Variants in STXBP5L observed in about 807,000 individuals in gnomAD.
The protein encoded by STXBP5L is syntaxin-binding protein 5-like.
In STXBP5L, 65 loss-of-function variants were observed where a neutral mutation model predicts 144.5. The observed-to-expected ratio is 0.45, with a 90% CI of 0.37 to 0.55. STXBP5L has a LOEUF of 0.55. Among genes scored for constraint, STXBP5L ranks in the 20% least tolerant of loss-of-function variants. The pLI is 0.00. For missense variants in STXBP5L, 1,298 were observed against 1,405.5 expected (o/e 0.92, Z 1.22); for synonymous variants, 505 against 469.6 (o/e 1.08, Z -0.97).
intron 5 of STXBP5L, among the ~76,000 whole-genome samples, chr3:121,086,919 T>C (rs879692900): frequency 6.6e-6 from 1 of 152,072 alleles, no homozygotes; most frequent in Non-Finnish European, 1.5e-5. Flanking sequence ...TTCTCAGAAC[T>C]TATGCCCATT....
At chr3:120,933,931 T>C (rs1162182615) in intron 2 of STXBP5L, among the ~76,000 whole-genome samples, 1 of 152,098 alleles carries the variant, frequency 6.6e-6, no homozygotes, top group Non-Finnish European at 1.5e-5. Context: ...AAAGGAATGA[T>C]TGTAGTTTGC....
At chr3:121,337,306 C>G (rs953029955) in intron 20 of STXBP5L, among the ~76,000 whole-genome samples, 1 of 151,910 alleles carries the variant, frequency 6.6e-6, no homozygotes, top group Non-Finnish European at 1.5e-5. Context: ...CTTCAAGAGA[C>G]TCATCTAATG....
chr3:121,295,943 C>A (rs750583856), intron 19 of STXBP5L, among the ~76,000 whole-genome samples: 1 of 152,082 alleles, frequency 6.6e-6, no homozygotes, highest in Non-Finnish European at 1.5e-5. Flanking sequence ...TTGATGTTTA[C>A]AAGTTATTAC....
chr3:121,206,105 G>C (rs2048326697), intron 10 of STXBP5L, 104 bp downstream of exon 10: 1 of 585,422 alleles, frequency 1.7e-6, no homozygotes, highest in Non-Finnish European at 2.9e-6. Flanking sequence ...AAATTGTAAA[G>C]ACAACTGAAT....
intron 9 of STXBP5L, 126 bp from the exon 10 acceptor site, chr3:121,205,797 C>A: frequency 2.2e-6 from 1 of 460,112 alleles, no homozygotes; most frequent in Non-Finnish European, 3.8e-6. Context: ...TAAGTTTATC[C>A]TATTATGACA....
intron 5 of STXBP5L, chr3:121,049,708 A>G (rs970498674): frequency 6.5e-6 from 1 of 154,130 alleles, no homozygotes; most frequent in African/African-American, 2.4e-5. Context: ...GATAAGGTCT[A>G]CTGGGCCTAG....
In STXBP5L at chr3:121,233,657, G is replaced by T; in HGVS notation, c.1153G>T (p.Asp385Tyr). Residue 385 changes from aspartate to tyrosine, a missense_variant, in exon 12 of 27, where the codon GAT (aspartate) becomes TAT (tyrosine). Transcript: ENST00000471454. ...PYAVVVLLEK[D>Y]LIVVDLTQSN... is the part of the protein sequence containing the mutation. ...TGCTGTCGTGGTACTTCTGGAGAAA[G>T]ATCTCATTGTAGTTGATCTGACACA... The T allele has an allele frequency of 1.2e-6, 2 of 1,612,622 alleles. No homozygotes were observed. The highest frequency in any genetic ancestry group is 1.7e-6 in the Non-Finnish European group (2 of 1,179,262).
At position 121,163,324 on chromosome 3, in the gene STXBP5L, G is replaced by A. The variant is rs188997879; in HGVS notation, c.877+5697G>A. Among the ~76,000 whole-genome samples, 420 of 152,138 alleles carry A rather than the reference G, an allele frequency of 2.8e-3. 2 individuals carry two copies. Among genetic ancestry groups the A allele is most frequent in the African/African-American group, 8.9e-3 (368 of 41,510 alleles). On this transcript the variant is annotated intron_variant, in intron 9 of 26. Transcript: ENST00000471454. ...TTCTCAGCAAACTAACACAGGAACG[G>A]AAAACCAAACACTGCATGTTCTCAC...
intron 2 of STXBP5L, among the ~76,000 whole-genome samples, chr3:120,951,938 A>T (rs1448667399): frequency 1.3e-5 from 2 of 151,932 alleles, no homozygotes; most frequent in Admixed American, 6.6e-5. Context: ...GGATTAAGAA[A>T]ATGTGGCACA....
chr3:121,378,954 G>GAT, intron 21 of STXBP5L, 68 bp downstream of exon 21: 1 of 1,466,906 alleles, frequency 6.8e-7, no homozygotes, highest in Non-Finnish European at 9.3e-7. Flanking sequence ...TGGGAACAGA[G>GAT]ATATGGGATG....
intron 20 of STXBP5L, among the ~76,000 whole-genome samples, chr3:121,373,105 G>A (rs2046080401): frequency 6.6e-6 from 1 of 152,142 alleles, no homozygotes; most frequent in Non-Finnish European, 1.5e-5. Context: ...CAATGTATCA[G>A]GTAGAAAATC....
At chr3:121,117,046 C>A (rs1269436747) in intron 6 of STXBP5L, among the ~76,000 whole-genome samples, 2 of 151,812 alleles carry the variant, frequency 1.3e-5, no homozygotes, top group East Asian at 1.9e-4. Context: ...ATTTATGTAA[C>A]AAATCCTTTT....
At chr3:121,363,975 A>T (rs1179629978) in intron 20 of STXBP5L, among the ~76,000 whole-genome samples, 1 of 152,104 alleles carries the variant, frequency 6.6e-6, no homozygotes, top group Non-Finnish European at 1.5e-5. Flanking sequence ...ATTTTCTTCC[A>T]TTCTATGTGT....
intron 10 of STXBP5L, among the ~76,000 whole-genome samples, chr3:121,220,694 C>T (rs936518897): frequency 1.1e-4 from 17 of 151,888 alleles, no homozygotes; most frequent in Non-Finnish European, 1.2e-4. Flanking sequence ...TTTTTCTGCT[C>T]GACAACTACC....
intron 2 of STXBP5L, among the ~76,000 whole-genome samples, chr3:120,954,267 G>T (rs1278071024): frequency 1.3e-5 from 2 of 151,928 alleles, no homozygotes; most frequent in Non-Finnish European, 2.9e-5. Flanking sequence ...AAATTTTATT[G>T]TACCATTTTA....
chr3:121,254,938 T>C lies in STXBP5L; in HGVS notation c.1485T>C (p.Phe495=). 6.2e-7 allele frequency: 1 copy of C among 1,613,518 alleles called. No homozygotes were observed. Among genetic ancestry groups the C allele is most frequent in the Non-Finnish European group, 8.5e-7 (1 of 1,179,664 alleles). Residue 495 remains phenylalanine (F), a synonymous_variant, in exon 16 of 27, where the codon TTT becomes TTC. Transcript: ENST00000471454. ...ACAAGCTAAAAACTTCAAAAGTGTT[T>C]GAAAAACAGAAGGTAGGAGAAGGAA... The part of the protein sequence containing the change: ...MLYKLKTSKV[F]EKQKVGEGKQ...
chr3:121,005,073 G>A (rs188030942), intron 3 of STXBP5L, among the ~76,000 whole-genome samples: 5 of 152,298 alleles, frequency 3.3e-5, no homozygotes, highest in African/African-American at 1.2e-4. Context: ...CATAAAATGA[G>A]TTAGGGAGGA....
intron 5 of STXBP5L, among the ~76,000 whole-genome samples, chr3:121,052,617 T>G (rs572204516): frequency 6.6e-6 from 1 of 152,176 alleles, no homozygotes; most frequent in Non-Finnish European, 1.5e-5. Context: ...GAGCTATCTA[T>G]GACAAACCCA....
chr3:120,995,421 T>A (rs1447936661), intron 3 of STXBP5L, among the ~76,000 whole-genome samples: 2 of 152,324 alleles, frequency 1.3e-5, no homozygotes, highest in East Asian at 3.9e-4. Flanking sequence ...TATCTAGAAT[T>A]ACAGGCATAA....
Sources: allele counts gnomAD v4.1 joint callset (sites outside exome capture counted in the v4.1 genomes callset), GRCh38; gene constraint gnomAD v4.1.1; transcripts MANE v1.5; gene names NCBI Gene and HGNC (gene_info 2026-07-23, HGNC 2026-07-21).